CNTN4: variants seen among roughly 807,000 people sequenced by gnomAD.
The protein encoded by CNTN4 is contactin 4.
In CNTN4, 77 loss-of-function variants were observed where a neutral mutation model predicts 122.5. The ratio of observed to expected loss-of-function variants is 0.63; its 90% CI spans 0.52 to 0.76. CNTN4 has a LOEUF of 0.76. Ranked by LOEUF, CNTN4 falls within the 30% of genes least tolerant of loss-of-function variation. The pLI is 0.00. For missense variants in CNTN4, 1,256 were observed against 1,259.1 expected (o/e 1.00, Z 0.04); for synonymous variants, 512 against 447.0 (o/e 1.15, Z -1.83).
At chr3:2,815,298 G>A (rs1319995477) in intron 6 of CNTN4, among the ~76,000 whole-genome samples, 6 of 152,038 alleles carry the variant, frequency 3.9e-5, no homozygotes, top group East Asian at 1.9e-4. Flanking sequence ...CAGAGTGAAC[G>A]GACAACCCAC....
At chr3:2,911,082 T>C (rs920239584) in intron 12 of CNTN4, among the ~76,000 whole-genome samples, 5 of 152,130 alleles carry the variant, frequency 3.3e-5, no homozygotes, top group Admixed American at 1.3e-4. Context: ...GAGTGGAAGG[T>C]ATATCCAGTG....
intron 17 of CNTN4, 96 bp from the exon 18 acceptor site, chr3:3,037,083 A>G: frequency 7.3e-7 from 1 of 1,378,298 alleles, no homozygotes; most frequent in South Asian, 1.2e-5. Context: ...TACAATAATG[A>G]TGAGGATGGA....
intron 7 of CNTN4, among the ~76,000 whole-genome samples, chr3:2,850,158 C>G (rs1459386030): frequency 6.6e-6 from 1 of 151,758 alleles, no homozygotes; most frequent in Non-Finnish European, 1.5e-5. Context: ...CCCAGCTAAT[C>G]TTTGTATTTT....
At chr3:3,016,262 C>A (rs1180717600) in intron 14 of CNTN4, among the ~76,000 whole-genome samples, 1 of 152,080 alleles carries the variant, frequency 6.6e-6, no homozygotes, top group African/African-American at 2.4e-5. Context: ...TCTTTTGAAT[C>A]GTAAAGAAAG....
At chr3:3,018,879 C>A (rs576882584) in intron 14 of CNTN4, among the ~76,000 whole-genome samples, 2 of 152,084 alleles carry the variant, frequency 1.3e-5, no homozygotes, top group African/African-American at 4.8e-5. Context: ...TAATGTGAAC[C>A]TTACTGGACC....
intron 3 of CNTN4, among the ~76,000 whole-genome samples, chr3:2,491,401 C>T (rs569064707): frequency 7.9e-5 from 12 of 152,232 alleles, no homozygotes; most frequent in Admixed American, 3.9e-4. Flanking sequence ...AAAAAATACA[C>T]GTGTATAGAT....
At chr3:2,983,643 C>G (rs942196155) in intron 13 of CNTN4, among the ~76,000 whole-genome samples, 9 of 152,170 alleles carry the variant, frequency 5.9e-5, no homozygotes, top group Non-Finnish European at 1.2e-4. Context: ...CTTTTATTAT[C>G]CCATTTTTAC....
intron 4 of CNTN4, among the ~76,000 whole-genome samples, chr3:2,610,165 C>T (rs1480223838): frequency 1.3e-5 from 2 of 151,988 alleles, no homozygotes; most frequent in Non-Finnish European, 2.9e-5. Context: ...TTATTTTTCA[C>T]CATAGTATAA....
chr3:2,461,275 A>G (rs1239776723), intron 3 of CNTN4, among the ~76,000 whole-genome samples: 1 of 152,188 alleles, frequency 6.6e-6, no homozygotes, highest in Non-Finnish European at 1.5e-5. Flanking sequence ...TAGTTATAGA[A>G]AAAGCTACTA....
intron 6 of CNTN4, among the ~76,000 whole-genome samples, chr3:2,783,125 T>C (rs1326160400): frequency 6.6e-6 from 1 of 151,938 alleles, no homozygotes; most frequent in Non-Finnish European, 1.5e-5. Context: ...CTAATTTTTT[T>C]TTTTTTTTAA....
intron 4 of CNTN4, among the ~76,000 whole-genome samples, chr3:2,681,579 T>A (rs976010200): frequency 1.3e-5 from 2 of 152,134 alleles, no homozygotes; most frequent in Admixed American, 6.6e-5. Flanking sequence ...TACCTAGATA[T>A]GTAGGTTGTA....
At position 3,017,620 on chromosome 3, in the gene CNTN4, C is replaced by G. The variant is rs147717689; in HGVS notation, c.1487-8482C>G. ...CAGAATGGGCAGCAAGGCCACCCCC[C>G]AAAAAGAGTCAGACCTGTACAGTAT... On this transcript the variant is annotated intron_variant, in intron 14 of 24. Coordinates refer to ENST00000418658, the MANE Select transcript of CNTN4 (RefSeq NM_175607.3). Among the ~76,000 whole-genome samples the G allele has an allele frequency of 3.7e-3, 557 of 152,232 alleles. 5 individuals carry two copies. Among genetic ancestry groups the G allele is most frequent in the African/African-American group, 0.013 (531 of 41,526 alleles).
At chr3:2,380,858 G>GA (rs1253584041) in intron 3 of CNTN4, among the ~76,000 whole-genome samples, 1 of 152,104 alleles carries the variant, frequency 6.6e-6, no homozygotes, top group Non-Finnish European at 1.5e-5. Context: ...TGTGATTTCT[G>GA]TATTAGTTGG....
intron 3 of CNTN4, among the ~76,000 whole-genome samples, chr3:2,475,099 A>G (rs200190835): frequency 1.3e-5 from 2 of 152,100 alleles, no homozygotes; most frequent in East Asian, 3.9e-4. Flanking sequence ...TTTGCCAAAT[A>G]TTTCTTCATA....
At chr3:2,449,596 C>T (rs1014221030) in intron 3 of CNTN4, among the ~76,000 whole-genome samples, 3 of 129,996 alleles carry the variant, frequency 2.3e-5, no homozygotes, top group African/African-American at 9.0e-5. Context: ...GCCTGGGTGA[C>T]AGAGCAAGAC....
chr3:2,437,273 T>G (rs11707598), intron 3 of CNTN4, among the ~76,000 whole-genome samples: 1 of 151,970 alleles, frequency 6.6e-6, no homozygotes, highest in Non-Finnish European at 1.5e-5. Context: ...TTCCCTCTCT[T>G]GGAATGCTTT....
chr3:2,211,292 G>T (rs2038605108), intron 2 of CNTN4, among the ~76,000 whole-genome samples: 1 of 152,096 alleles, frequency 6.6e-6, no homozygotes, highest in African/African-American at 2.4e-5. Context: ...CCACCCCCAT[G>T]ATCCAAACAC....
At chr3:2,225,975 A>G (rs1162775386) in intron 2 of CNTN4, among the ~76,000 whole-genome samples, 1 of 152,046 alleles carries the variant, frequency 6.6e-6, no homozygotes, top group Non-Finnish European at 1.5e-5. Flanking sequence ...AGTTACTTAG[A>G]TTTTCTGAGG....
At chr3:2,956,048 T>C (rs1357015170) in intron 13 of CNTN4, among the ~76,000 whole-genome samples, 1 of 152,164 alleles carries the variant, frequency 6.6e-6, no homozygotes, top group African/African-American at 2.4e-5. Flanking sequence ...CCCAAATGTC[T>C]ATTGATAGAA....
Sources: allele counts gnomAD v4.1 joint callset (sites outside exome capture counted in the v4.1 genomes callset), GRCh38; gene constraint gnomAD v4.1.1; transcripts MANE v1.5; gene names NCBI Gene and HGNC (gene_info 2026-07-23, HGNC 2026-07-21).